The following XPR1 variants were observed in gnomAD, a reference collection of about 807,000 sequenced individuals.
XPR1 encodes the protein solute carrier family 53 member 1.
Under a neutral mutation model 87.5 loss-of-function variants are expected in XPR1, and 28 were observed. The ratio of observed to expected loss-of-function variants is 0.32; its 90% CI spans 0.24 to 0.44. The LOEUF (loss-of-function observed/expected upper bound fraction) is 0.44. XPR1 is among the 20% of genes least tolerant of loss of function. XPR1 has a pLI of 1.00. For missense variants in XPR1, 559 were observed against 862.3 expected (o/e 0.65, Z 4.41); for synonymous variants, 300 against 306.1 (o/e 0.98, Z 0.21).
Position 180,726,099 on chromosome 1 carries a change from C to T in XPR1, c.121+43688C>T, listed in dbSNP as rs757342294. ...AGAGGAGTGTAAACACGCCAATCAG[C>T]GCTCTGTGTCTAGCTAAAGGATTGT... On this transcript the variant is annotated intron_variant, in intron 2 of 14. Transcript: ENST00000367590. 2.0e-4 allele frequency among the ~76,000 whole-genome samples: 30 copies of T among 152,238 alleles called. No individual in the cohort carries two copies. In the South Asian group the frequency reaches 3.1e-3, roughly 16 times the overall value.
At chr1:180,821,646 G>A (rs138697687) in intron 7 of XPR1, among the ~76,000 whole-genome samples, 230 of 152,184 alleles carry the variant, frequency 1.5e-3, no homozygotes, top group African/African-American at 4.4e-3. Flanking sequence ...TAGTATTGCC[G>A]TCTTAACAAT....
At chr1:180,658,786 G>A (rs1655629165) in intron 1 of XPR1, among the ~76,000 whole-genome samples, 1 of 151,534 alleles carries the variant, frequency 6.6e-6, no homozygotes, top group African/African-American at 2.4e-5. Flanking sequence ...AGGCAGGATG[G>A]TCTCAATCTC....
At chr1:180,770,008 TA>T (rs1214200533) in intron 2 of XPR1, among the ~76,000 whole-genome samples, 2 of 152,214 alleles carry the variant, frequency 1.3e-5, no homozygotes, top group Non-Finnish European at 2.9e-5. Context: ...CTTAAATAAT[TA>T]TTTTGGTTTT....
intron 1 of XPR1, among the ~76,000 whole-genome samples, chr1:180,644,070 T>C (rs909820138): frequency 6.6e-6 from 1 of 152,212 alleles, no homozygotes; most frequent in Non-Finnish European, 1.5e-5. Context: ...ATGGGAGTGA[T>C]GTGTAAACAT....
chr1:180,837,389 T>C (rs2063849), intron 11 of XPR1, among the ~76,000 whole-genome samples: 151,640 of 152,336 alleles, frequency 1, 75,484 homozygotes, highest in Middle Eastern at 1. Flanking sequence ...GCTGCACTTT[T>C]TCATCTGTAG....
chr1:180,810,771 T>A (rs1650180972), intron 6 of XPR1, among the ~76,000 whole-genome samples: 1 of 151,514 alleles, frequency 6.6e-6, no homozygotes, highest in Non-Finnish European at 1.5e-5. Flanking sequence ...TTTACAAAAC[T>A]CATATGTATA....
chr1:180,642,960 G>A (rs1156900001), intron 1 of XPR1, among the ~76,000 whole-genome samples: 1 of 152,120 alleles, frequency 6.6e-6, no homozygotes, highest in Admixed American at 6.5e-5. Context: ...AAGATGAGTG[G>A]AAGTATCCAA....
chr1:180,794,272 A>G (rs1183804814), intron 3 of XPR1, among the ~76,000 whole-genome samples: 2 of 152,214 alleles, frequency 1.3e-5, no homozygotes, highest in Admixed American at 1.3e-4. Flanking sequence ...ACAATGGTAA[A>G]TATTTATGTA....
At chr1:180,769,800 G>T (rs567592075) in intron 2 of XPR1, among the ~76,000 whole-genome samples, 3 of 152,078 alleles carry the variant, frequency 2.0e-5, no homozygotes, top group Non-Finnish European at 4.4e-5. Context: ...CCCAGCAGTG[G>T]GATTGCTGGG....
At chr1:180,696,206 GTGTATATATATA>G (rs1157933294) in intron 2 of XPR1, among the ~76,000 whole-genome samples, 39 of 102,086 alleles carry the variant, frequency 3.8e-4, no homozygotes, top group Admixed American at 3.2e-3. Context: ...GTGTGTGTGT[GTGTATATATATA>G]TATATATATA....
At chr1:180,834,530 G>A (rs548244916) in intron 9 of XPR1, among the ~76,000 whole-genome samples, 3 of 152,314 alleles carry the variant, frequency 2.0e-5, no homozygotes, top group East Asian at 1.9e-4. Context: ...TTACATAAAC[G>A]TGTATATTTT....
At chr1:180,726,201 A>G (rs1196698165) in intron 2 of XPR1, among the ~76,000 whole-genome samples, 4 of 152,234 alleles carry the variant, frequency 2.6e-5, no homozygotes, top group East Asian at 3.8e-4. Flanking sequence ...AAATGCACCA[A>G]TCAGCACTCT....
Position 180,884,123 on chromosome 1 carries a change from G to C in XPR1, c.*57G>C. ...TTTCCTACTCTACAATCCTTTCCTCGACCAACGCAACCTCTAGTACCTTTC... is the reference window on the plus strand; with the variant it reads ...TTTCCTACTCTACAATCCTTTCCTCCACCAACGCAACCTCTAGTACCTTTC... On this transcript the variant is annotated 3_prime_UTR_variant, in exon 15 of 15. Coordinates refer to ENST00000367590, the MANE Select transcript of XPR1 (RefSeq NM_004736.4). 1 of 1,540,106 alleles carries C rather than the reference G, an allele frequency of 6.5e-7. No individual in the cohort carries two copies. The highest frequency in any genetic ancestry group is 8.9e-7 in the Non-Finnish European group (1 of 1,117,540).
At chr1:180,815,336 G>T (rs377353590) in intron 7 of XPR1, among the ~76,000 whole-genome samples, 1 of 151,892 alleles carries the variant, frequency 6.6e-6, no homozygotes, top group Admixed American at 6.6e-5. Context: ...TTAGTGTTAC[G>T]CATTATGTTT....
At chr1:180,775,197 A>G (rs1648665845) in intron 2 of XPR1, among the ~76,000 whole-genome samples, 2 of 152,338 alleles carry the variant, frequency 1.3e-5, no homozygotes. Flanking sequence ...TTACCTGCCT[A>G]TCATTCTTTG....
chr1:180,655,396 CTCTCTT>C (rs1259797494), intron 1 of XPR1, among the ~76,000 whole-genome samples: 7 of 148,808 alleles, frequency 4.7e-5, no homozygotes, highest in African/African-American at 1.5e-4. Flanking sequence ...GTCTCTCTCT[CTCTCTT>C]TTTTTTTTTT....
chr1:180,701,565 G>A (rs201097459), intron 2 of XPR1, among the ~76,000 whole-genome samples: 1 of 139,948 alleles, frequency 7.1e-6, no homozygotes, highest in African/African-American at 3.0e-5. Flanking sequence ...CAGGGATGAA[G>A]CCCACTTGAT....
intron 9 of XPR1, among the ~76,000 whole-genome samples, chr1:180,833,145 G>A (rs954230786): frequency 2.0e-5 from 3 of 152,112 alleles, no homozygotes; most frequent in African/African-American, 7.2e-5. Context: ...GTTCACTCAT[G>A]ATTTGGCTCT....
At chr1:180,674,337 C>T (rs924362769) in intron 1 of XPR1, among the ~76,000 whole-genome samples, 3 of 152,206 alleles carry the variant, frequency 2.0e-5, no homozygotes, top group Admixed American at 2.0e-4. Flanking sequence ...CGGCTCACCA[C>T]AACTGCCGCC....
Sources: gnomAD v4.1 joint callset for allele counts (sites outside exome capture counted in the v4.1 genomes callset) on GRCh38, gnomAD v4.1.1 for gene constraint, MANE v1.5 for transcripts, NCBI Gene and HGNC (gene_info 2026-07-23, HGNC 2026-07-21) for gene names.